The following AKNA variants were observed in gnomAD, a reference collection of about 807,000 sequenced individuals.
AKNA encodes the protein microtubule organization protein AKNA.
In AKNA, 67 loss-of-function variants were observed where a neutral mutation model predicts 138.8. The ratio of observed to expected loss-of-function variants is 0.48; its 90% CI spans 0.40 to 0.59. The LOEUF (loss-of-function observed/expected upper bound fraction) is 0.59, where lower values mean the gene tolerates loss of function less well. Ranked by LOEUF, AKNA falls within the 20% of genes least tolerant of loss-of-function variation. AKNA has a pLI of 0.00. For synonymous variants in AKNA, 737 were observed against 754.4 expected (o/e 0.98, Z 0.38); for missense variants, 1,813 against 1,880.4 (o/e 0.96, Z 0.66).
upstream of AKNA, among the ~76,000 whole-genome samples, chr9:114,388,865 A>G (rs967832524): frequency 6.6e-6 from 1 of 152,150 alleles, no homozygotes; most frequent in African/African-American, 2.4e-5. Context: ...GCTGTGAACA[A>G]TGAGACTGGG....
chr9:114,385,880 G>A (rs1197485757), intron 1 of AKNA, among the ~76,000 whole-genome samples: 1 of 152,238 alleles, frequency 6.6e-6, no homozygotes, highest in African/African-American at 2.4e-5. Context: ...AGCAGGCTGG[G>A]CATCAGGAGA....
Position 114,373,535 on chromosome 9 carries a change from G to T in AKNA, c.1416+558C>A, listed in dbSNP as rs577463006. On this transcript the variant is annotated intron_variant, in intron 4 of 21. Coordinates refer to ENST00000374088, the MANE Select transcript of AKNA (RefSeq NM_001317950.2). ...CTGGTTAGCAATGGAGCCAGGAGTC[G>T]AACCCAGGTGGTCTTACTCCAGAAC... Among the ~76,000 whole-genome samples, 60 of 152,120 alleles carry T rather than the reference G, an allele frequency of 3.9e-4. No individual in the cohort carries two copies. The Middle Eastern group carries it at 0.017, about 43-fold the overall frequency.
upstream of AKNA, among the ~76,000 whole-genome samples, chr9:114,390,306 A>C (rs967200099): frequency 6.6e-6 from 1 of 151,866 alleles, no homozygotes; most frequent in African/African-American, 2.4e-5. Context: ...AATTCTACCA[A>C]ACCGAAGCAG....
chr9:114,333,059 T>A (rs771098593), downstream of AKNA: 3 of 1,579,038 alleles, frequency 1.9e-6, no homozygotes, highest in Non-Finnish European at 2.6e-6. Flanking sequence ...AATTCCCCGC[T>A]GCCTTCTAGG....
At chr9:114,367,816 G>A in intron 5 of AKNA, 119 bp from the exon 6 acceptor site, 2 of 1,163,128 alleles carry the variant, frequency 1.7e-6, no homozygotes, top group South Asian at 3.2e-5. Context: ...GTCACCATGT[G>A]CGATCTTCAC....
At chr9:114,356,308 T>C (rs1056070767) in intron 13 of AKNA, among the ~76,000 whole-genome samples, 172 bp from the exon 14 acceptor site, 1 of 152,152 alleles carries the variant, frequency 6.6e-6, no homozygotes, top group African/African-American at 2.4e-5. Flanking sequence ...GCCCAATTCT[T>C]TGTAAACTGT....
rs1346229782 is a variant in AKNA at position 114,380,981 on chromosome 9, C to CAGAAAAAAAAAAAAAAAAAAAAAAAA, written c.274+78_274+79insTTTTTTTTTTTTTTTTTTTTTTTTCT. On this transcript the variant is annotated intron_variant, in intron 2 of 21. Coordinates refer to ENST00000374088, the MANE Select transcript of AKNA (RefSeq NM_001317950.2). ...CTGGCAATGAAGCAAGACTCTGTCT[C>CAGAAAAAAAAAAAAAAAAAAAAAAAA]AAAAAAAAAAAAAAAAAAAAGAACG... 8 of 1,110,544 alleles carry CAGAAAAAAAAAAAAAAAAAAAAAAAA rather than the reference C, an allele frequency of 7.2e-6. No individual in the cohort carries two copies. The African/African-American group carries it at 2.3e-4, about 32-fold the overall frequency. The allele number at this position is 1,110,544 out of a possible 1,614,324, so 68.8% of individuals were successfully genotyped here.
intron 12 of AKNA, 149 bp downstream of exon 12, chr9:114,357,772 G>A: frequency 3.9e-6 from 5 of 1,292,570 alleles, no homozygotes; most frequent in Non-Finnish European, 4.2e-6. Flanking sequence ...CATAAGTCCT[G>A]CATGTCAGGT....
chr9:114,377,382 G>C lies in AKNA; in HGVS notation c.425C>G (p.Ser142Ter). Residue 142 changes from serine (S) to a stop codon, truncating the protein, a stop_gained, in exon 3 of 22, where the codon TCA becomes TGA. Coordinates refer to ENST00000374088, the MANE Select transcript of AKNA (RefSeq NM_001317950.2). LOFTEE classifies it high-confidence loss of function. ...GAGACCAGCCTCATACCCCAACCTT[G>C]AGGAGCTCTCTCCAGCCTCCTCAAC... is the stretch of plus-strand genomic sequence containing the variant. ...LEVEEAGESS[S>*]RLGYEAGLSL... 6.2e-7 allele frequency: 1 copy of C among 1,613,854 alleles called. No homozygotes were observed. The highest frequency in any genetic ancestry group is 8.5e-7 in the Non-Finnish European group (1 of 1,179,928).
At chr9:114,364,748 T>C in intron 6 of AKNA, 129 bp from the exon 7 acceptor site, 2 of 947,782 alleles carry the variant, frequency 2.1e-6, no homozygotes, top group Non-Finnish European at 1.7e-6. Context: ...CTGCCAAGCA[T>C]GGAGACGTGG....
rs545721200 is a variant in AKNA, at chr9:114,335,377, G to A, written c.*1677C>T. ...AGGGGGGCAGAGTGAGGGTCCTGAGGGTTAGCACATGGACTGTGTGAAGCA... is the reference window on the plus strand; with the variant it reads ...AGGGGGGCAGAGTGAGGGTCCTGAGAGTTAGCACATGGACTGTGTGAAGCA... On this transcript the variant is annotated 3_prime_UTR_variant, in exon 22 of 22. Transcript: ENST00000374088. 17 of 152,398 alleles carry A rather than the reference G, an allele frequency of 1.1e-4. No homozygotes were observed. The highest frequency in any genetic ancestry group is 3.6e-4 in the African/African-American group (15 of 41,570). The allele number at this position is 152,398 out of a possible 1,614,324, so 9.4% of individuals were successfully genotyped here. A position where few individuals can be genotyped will look rare whatever the true frequency, so the allele number is the denominator to read the frequency against.
At chr9:114,330,722 T>G (rs1458766993), downstream of AKNA, 3 of 1,597,632 alleles carry the variant, frequency 1.9e-6, no homozygotes, top group Admixed American at 3.3e-5. Context: ...GCCCCGGGAC[T>G]GTGATGGGCG....
intron 4 of AKNA, among the ~76,000 whole-genome samples, chr9:114,371,655 A>T (rs992237800): frequency 1.1e-4 from 17 of 152,298 alleles, no homozygotes; most frequent in Admixed American, 2.0e-4. Context: ...TATGACCCTG[A>T]AGCTGGGGTG....
In AKNA at chr9:114,335,250, A is replaced by C. The variant is rs1829942894; in HGVS notation, c.*1804T>G. 1 of 152,188 alleles carries C rather than the reference A, an allele frequency of 6.6e-6. No individual in the cohort carries two copies. Among genetic ancestry groups the C allele is most frequent in the South Asian group, 2.1e-4 (1 of 4,828 alleles). The allele number at this position is 152,188 out of a possible 1,614,324, so 9.4% of individuals were successfully genotyped here. ...AAGCAAAAAACACACATAACAAAGAATGTGGACTTTGGGTCAGACCAATGT... is the reference window on the plus strand; with the variant it reads ...AAGCAAAAAACACACATAACAAAGACTGTGGACTTTGGGTCAGACCAATGT... On this transcript the variant is annotated 3_prime_UTR_variant, in exon 22 of 22. Coordinates refer to ENST00000374088, the MANE Select transcript of AKNA (RefSeq NM_001317950.2).
At chr9:114,362,650 G>A (rs985935466) in intron 7 of AKNA, 117 bp from the exon 8 acceptor site, 6 of 1,328,444 alleles carry the variant, frequency 4.5e-6, no homozygotes, top group Non-Finnish European at 5.9e-6. Flanking sequence ...GGGCCCCTGG[G>A]TTCATGCAAG....
intron 5 of AKNA, 197 bp downstream of exon 5, chr9:114,368,242 C>G (rs768259176): frequency 1.5e-5 from 8 of 538,032 alleles, no homozygotes; most frequent in Admixed American, 4.4e-5. Flanking sequence ...AGGGCTGCCC[C>G]CAGGCTGCTG....
At chr9:114,342,537 A>G (rs1354354880) in intron 19 of AKNA, among the ~76,000 whole-genome samples, 1 of 144,992 alleles carries the variant, frequency 6.9e-6, no homozygotes, top group Non-Finnish European at 1.5e-5. Context: ...AGACAGAGCC[A>G]TTCTCCATGT....
intron 11 of AKNA, chr9:114,358,404 A>C: frequency 1.9e-6 from 1 of 519,756 alleles, no homozygotes; most frequent in Non-Finnish European, 3.4e-6. Flanking sequence ...ACCCAACACC[A>C]AAGAGGAAAT....
upstream of AKNA, among the ~76,000 whole-genome samples, chr9:114,389,289 C>T (rs1257820263): frequency 1.3e-5 from 2 of 152,116 alleles, no homozygotes; most frequent in African/African-American, 4.8e-5. Context: ...GCTCCCAACA[C>T]TGGCCCCACC....
Sources: gnomAD v4.1 joint callset for allele counts (sites outside exome capture counted in the v4.1 genomes callset) on GRCh38, gnomAD v4.1.1 for gene constraint, MANE v1.5 for transcripts, NCBI Gene and HGNC (gene_info 2026-07-23, HGNC 2026-07-21) for gene names.